Variants in GALNTL6 observed in about 807,000 individuals in gnomAD.
GALNTL6 encodes the protein polypeptide N-acetylgalactosaminyltransferase like 6.
In GALNTL6, 46 loss-of-function variants were observed where a neutral mutation model predicts 73.7. The observed-to-expected ratio is 0.62, with a 90% CI of 0.49 to 0.80. GALNTL6 has a LOEUF of 0.80. Ranked by LOEUF, GALNTL6 falls within the 30% of genes least tolerant of loss-of-function variation. The pLI is 0.00. For missense variants in GALNTL6, 604 were observed against 755.0 expected, an observed-to-expected ratio of 0.80 and a Z score of 2.34; for synonymous variants, 259 against 263.7, an observed-to-expected ratio of 0.98 and a Z score of 0.17.
intron 5 of GALNTL6, among the ~76,000 whole-genome samples, chr4:172,542,896 G>A (rs560839140): frequency 6.6e-6 from 1 of 151,984 alleles, no homozygotes; most frequent in East Asian, 1.9e-4. Context: ...TTAGAGACCA[G>A]CCTGGCCAAT....
At chr4:172,774,914 C>G (rs1036005381) in intron 5 of GALNTL6, among the ~76,000 whole-genome samples, 4 of 151,254 alleles carry the variant, frequency 2.6e-5, no homozygotes, top group African/African-American at 7.3e-5. Flanking sequence ...GAGCCAAGAT[C>G]GCAGCACTGT....
At chr4:172,321,215 G>A (rs910466966) in intron 4 of GALNTL6, among the ~76,000 whole-genome samples, 5 of 152,094 alleles carry the variant, frequency 3.3e-5, no homozygotes, top group African/African-American at 1.2e-4. Context: ...ACTAGGGGTC[G>A]TGGAACATAT....
At chr4:172,385,345 T>TGAAA (rs1743428187) in intron 5 of GALNTL6, among the ~76,000 whole-genome samples, 1 of 152,068 alleles carries the variant, frequency 6.6e-6, no homozygotes. Flanking sequence ...CCTGCCTAGT[T>TGAAA]GTTCTATTCA....
chr4:172,611,796 G>A (rs1415312580), intron 5 of GALNTL6, among the ~76,000 whole-genome samples: 1 of 151,978 alleles, frequency 6.6e-6, no homozygotes, highest in Non-Finnish European at 1.5e-5. Context: ...TTTATTCCCT[G>A]TGAAGTTTTC....
chr4:172,961,746 G>C lies in GALNTL6; in HGVS notation c.1371+9488G>C, dbSNP rs551029657. 2.6e-5 allele frequency among the ~76,000 whole-genome samples: 4 copies of C among 152,332 alleles called. No individual in the cohort carries two copies. The East Asian group carries it at 5.8e-4, about 22-fold the overall frequency. ...CTGGAGAAGAGAATAAAGAGAGGCTGCTTACCAGATTTTAAATTGGTGAGA... is the reference window on the plus strand; with the variant it reads ...CTGGAGAAGAGAATAAAGAGAGGCTCCTTACCAGATTTTAAATTGGTGAGA... On this transcript the variant is annotated intron_variant, in intron 10 of 12. Coordinates refer to ENST00000506823, the MANE Select transcript of GALNTL6 (RefSeq NM_001034845.3).
At chr4:172,235,923 T>C (rs1737226234) in intron 3 of GALNTL6, among the ~76,000 whole-genome samples, 1 of 152,202 alleles carries the variant, frequency 6.6e-6, no homozygotes, top group East Asian at 1.9e-4. Context: ...TTTCCGTTTC[T>C]GGGTTAATTT....
At chr4:172,496,979 C>T (rs1163636300) in intron 5 of GALNTL6, among the ~76,000 whole-genome samples, 3 of 152,104 alleles carry the variant, frequency 2.0e-5, no homozygotes, top group South Asian at 2.1e-4. Flanking sequence ...CAATTTGAAA[C>T]TGTAGTTTGA....
intron 4 of GALNTL6, among the ~76,000 whole-genome samples, chr4:172,322,183 G>A (rs918278931): frequency 6.6e-5 from 10 of 152,016 alleles, no homozygotes; most frequent in African/African-American, 1.7e-4. Flanking sequence ...TCAAAATGTC[G>A]AACCATGCAC....
At chr4:172,292,280 A>G (rs186934129) in intron 3 of GALNTL6, among the ~76,000 whole-genome samples, 73 of 152,268 alleles carry the variant, frequency 4.8e-4, no homozygotes, top group African/African-American at 1.7e-3. Context: ...AGCATAAAAA[A>G]AAAACTTCCT....
intron 2 of GALNTL6, among the ~76,000 whole-genome samples, chr4:172,197,953 CA>C: frequency 6.6e-6 from 1 of 151,622 alleles, no homozygotes; most frequent in Non-Finnish European, 1.5e-5. Flanking sequence ...ACTAAAAATA[CA>C]AAAAAAATTA....
intron 2 of GALNTL6, among the ~76,000 whole-genome samples, chr4:171,927,130 C>T (rs143089873): frequency 2.4e-3 from 362 of 152,060 alleles, no homozygotes; most frequent in African/African-American, 8.4e-3. Context: ...CTGACATTTC[C>T]ACTGAAATAG....
chr4:172,382,372 G>A (rs967833157), intron 5 of GALNTL6, among the ~76,000 whole-genome samples: 6 of 151,906 alleles, frequency 3.9e-5, no homozygotes, highest in Non-Finnish European at 7.4e-5. Flanking sequence ...ATGATGTTGA[G>A]CATCGTTTTA....
At chr4:172,464,808 G>A (rs1732750253) in intron 5 of GALNTL6, among the ~76,000 whole-genome samples, 2 of 151,972 alleles carry the variant, frequency 1.3e-5, no homozygotes, top group South Asian at 2.1e-4. Flanking sequence ...ACTTTAAGCT[G>A]GAGAAATTAA....
chr4:172,079,448 A>C (rs1262772407), intron 2 of GALNTL6, among the ~76,000 whole-genome samples: 1 of 151,994 alleles, frequency 6.6e-6, no homozygotes, highest in Non-Finnish European at 1.5e-5. Context: ...CTATTTTCTT[A>C]GTTCTCTTTC....
chr4:172,899,988 G>T (rs1358379626), intron 8 of GALNTL6, among the ~76,000 whole-genome samples: 2 of 152,134 alleles, frequency 1.3e-5, no homozygotes, highest in African/African-American at 2.4e-5. Context: ...TGTTTTATCA[G>T]CAAGGTCTTT....
rs528375183 is a variant in GALNTL6 at position 171,872,766 on chromosome 4, C to A, written c.138+58048C>A. 2.6e-5 allele frequency among the ~76,000 whole-genome samples: 4 copies of A among 152,252 alleles called. No individual in the cohort carries two copies. In the South Asian group the frequency reaches 8.3e-4, roughly 32 times the overall value. The stretch of plus-strand genomic sequence containing the variant: ...ACCAGTCATATTGAATTAGGGCCCA[C>A]CTGAAAGATTTCATTTTAACTTGAA... On this transcript the variant is annotated intron_variant, in intron 2 of 12. Coordinates refer to ENST00000506823, the MANE Select transcript of GALNTL6 (RefSeq NM_001034845.3).
chr4:172,419,575 C>A (rs1466006143), intron 5 of GALNTL6, among the ~76,000 whole-genome samples: 1 of 152,086 alleles, frequency 6.6e-6, no homozygotes, highest in South Asian at 2.1e-4. Context: ...AAGCTACTGC[C>A]CATAAACGTT....
At chr4:172,783,518 TATA>T (rs1333447618) in intron 5 of GALNTL6, among the ~76,000 whole-genome samples, 5 of 148,512 alleles carry the variant, frequency 3.4e-5, no homozygotes, top group South Asian at 4.2e-4. Context: ...CACTATTTAA[TATA>T]ATAATAGTAA....
chr4:173,024,018 A>G (rs915667333), intron 12 of GALNTL6, among the ~76,000 whole-genome samples: 1 of 152,230 alleles, frequency 6.6e-6, no homozygotes, highest in Non-Finnish European at 1.5e-5. Flanking sequence ...CTGTACATTT[A>G]TAGCATGACA....
Sources: allele counts gnomAD v4.1 joint callset (sites outside exome capture counted in the v4.1 genomes callset), GRCh38; gene constraint gnomAD v4.1.1; transcripts MANE v1.5; gene names NCBI Gene and HGNC (gene_info 2026-07-23, HGNC 2026-07-21).